The following HFM1 variants were observed in gnomAD, a reference collection of about 807,000 sequenced individuals.
The protein encoded by HFM1 is probable ATP-dependent DNA helicase HFM1.
Under a neutral mutation model 192.1 loss-of-function variants are expected in HFM1, and 169 were observed. That is an observed-to-expected ratio of 0.88 (90% CI 0.78 to 1.00). HFM1 has a LOEUF of 1.00. Among genes scored for constraint, HFM1 ranks in the 50% least tolerant of loss-of-function variants. HFM1 has a pLI of 0.00. For missense variants in HFM1, 1,661 were observed against 1,668.0 expected, an observed-to-expected ratio of 1.00 and a Z score of 0.07; for synonymous variants, 525 against 537.8, an observed-to-expected ratio of 0.98 and a Z score of 0.33.
chr1:91,328,701 C>A, intron 20 of HFM1: 1 of 1,602,430 alleles, frequency 6.2e-7, no homozygotes, highest in Non-Finnish European at 8.5e-7. Flanking sequence ...GGGGCTGAGG[C>A]AGAGAAGCAG....
At chr1:91,311,551 A>G (rs564578170) in intron 30 of HFM1, among the ~76,000 whole-genome samples, 158 of 151,874 alleles carry the variant, frequency 1.0e-3, no homozygotes, top group African/African-American at 3.7e-3. Flanking sequence ...GCTTGAACCC[A>G]GGAGGCAGAG....
chr1:91,331,629 C>T (rs992724610), intron 20 of HFM1, among the ~76,000 whole-genome samples: 3 of 152,222 alleles, frequency 2.0e-5, no homozygotes, highest in African/African-American at 7.2e-5. Flanking sequence ...GGTGCAGTGG[C>T]TCATGCCTGT....
At chr1:91,354,149 A>G (rs1657394972) in intron 13 of HFM1, among the ~76,000 whole-genome samples, 1 of 151,870 alleles carries the variant, frequency 6.6e-6, no homozygotes, top group Non-Finnish European at 1.5e-5. Flanking sequence ...TTATTCAAAA[A>G]GAACCAAACA....
intron 6 of HFM1, 88 bp from the exon 7 acceptor site, chr1:91,381,070 C>A: frequency 1.5e-6 from 1 of 666,950 alleles, no homozygotes; most frequent in South Asian, 1.8e-5. Flanking sequence ...AATATAGATT[C>A]TGACAATATT....
intron 1 of HFM1, among the ~76,000 whole-genome samples, chr1:91,403,302 A>G (rs987029877): frequency 2.0e-5 from 3 of 152,168 alleles, no homozygotes; most frequent in Admixed American, 2.0e-4. Flanking sequence ...TTATAAAAAT[A>G]GTGTCAAATA....
At chr1:91,286,639 C>T (rs1668002098) in intron 30 of HFM1, among the ~76,000 whole-genome samples, 1 of 152,092 alleles carries the variant, frequency 6.6e-6, no homozygotes, top group South Asian at 2.1e-4. Flanking sequence ...GATAAGATCA[C>T]ATTCACGACC....
chr1:91,313,571 ATC>A (rs1286395338), intron 29 of HFM1, 76 bp from the exon 30 acceptor site: 3 of 999,958 alleles, frequency 3.0e-6, no homozygotes, highest in East Asian at 5.4e-5. Context: ...ATTTCTTTTT[ATC>A]TCTCTTACAT....
Position 91,369,356 on chromosome 1 carries a change from A to T in HFM1, c.1685+6002T>A, listed in dbSNP as rs566352708. 8.9e-3 allele frequency among the ~76,000 whole-genome samples: 1,349 copies of T among 152,182 alleles called. 10 individuals are homozygous for T. The highest frequency in any genetic ancestry group is 0.027 in the Middle Eastern group (8 of 294). On this transcript the variant is annotated intron_variant, in intron 13 of 38. Transcript: ENST00000370425. ...TTGACCACATAGTTGGAAGTAAAGCACTCCTCAGCAAATGTAAAAGAACAG... is the reference window on the plus strand; with the variant it reads ...TTGACCACATAGTTGGAAGTAAAGCTCTCCTCAGCAAATGTAAAAGAACAG...
At chr1:91,278,047 G>A (rs1189466866) in intron 30 of HFM1, among the ~76,000 whole-genome samples, 2 of 147,860 alleles carry the variant, frequency 1.4e-5, no homozygotes, top group South Asian at 4.2e-4. Context: ...AGGTAAGAAT[G>A]AGGGTGGAGT....
chr1:91,394,037 G>A (rs1184564461), intron 4 of HFM1, 56 bp downstream of exon 4: 4 of 971,024 alleles, frequency 4.1e-6, no homozygotes, highest in Admixed American at 2.7e-5. Context: ...ACTTTTATAT[G>A]TACAAATATT....
At chr1:91,332,241 T>C (rs1396040418) in intron 20 of HFM1, among the ~76,000 whole-genome samples, 2 of 152,180 alleles carry the variant, frequency 1.3e-5, no homozygotes, top group Non-Finnish European at 2.9e-5. Context: ...AATATGGTAC[T>C]GGCATAAAAA....
intron 36 of HFM1, among the ~76,000 whole-genome samples, chr1:91,263,318 A>G (rs1665343609): frequency 1.3e-5 from 2 of 152,226 alleles, no homozygotes; most frequent in Admixed American, 1.3e-4. Context: ...TGTAACAGCC[A>G]TGTAAGGAGC....
intron 20 of HFM1, among the ~76,000 whole-genome samples, chr1:91,340,646 C>T (rs113031527): frequency 1.8e-4 from 28 of 152,222 alleles, no homozygotes; most frequent in African/African-American, 6.0e-4. Context: ...ACTTAAAAGG[C>T]GCAGAGTGAC....
chr1:91,337,003 T>C (rs1654675365), intron 20 of HFM1, among the ~76,000 whole-genome samples: 1 of 152,154 alleles, frequency 6.6e-6, no homozygotes, highest in Non-Finnish European at 1.5e-5. Context: ...CACCGCATGT[T>C]CTCATTTATA....
chr1:91,344,466 G>A (rs1016497091), intron 19 of HFM1, among the ~76,000 whole-genome samples: 6 of 152,064 alleles, frequency 3.9e-5, no homozygotes, highest in African/African-American at 1.2e-4. Flanking sequence ...CTCACTACTC[G>A]ATAAGTCAAT....
chr1:91,403,096 G>A (rs569589609), intron 1 of HFM1, among the ~76,000 whole-genome samples: 1 of 151,812 alleles, frequency 6.6e-6, no homozygotes, highest in Non-Finnish European at 1.5e-5. Flanking sequence ...CTCTCATTCC[G>A]CATTATTTTT....
Position 91,262,383 on chromosome 1 carries a change from GA to G in HFM1, c.4095del (p.Gln1366LysfsTer59). On this transcript the variant is annotated frameshift_variant, in exon 38 of 39. Coordinates refer to ENST00000370425, the MANE Select transcript of HFM1 (RefSeq NM_001017975.6). LOFTEE classifies it high-confidence loss of function. ...GACAGATTTTGTGGTTTTCTTTCTTGAAAATGGACCTACATTTGAGATAAAA... is the reference window on the plus strand; with the variant it reads ...GACAGATTTTGTGGTTTTCTTTCTTGAAATGGACCTACATTTGAGATAAAA... The part of the protein sequence containing the change: ...QQAGNAVIVH[F>X]QERKPQNLSP... The G allele has an allele frequency of 1.3e-6, 2 of 1,570,486 alleles. No homozygotes were observed. Among genetic ancestry groups the G allele is most frequent in the South Asian group, 1.2e-5 (1 of 82,152 alleles).
rs569405806 is a variant in HFM1, at chr1:91,394,052, T to C, written c.494+41A>G. 5.0e-4 allele frequency: 571 copies of C among 1,132,002 alleles called. 6 individuals carry two copies. In the Middle Eastern group the frequency reaches 9.4e-3, roughly 19 times the overall value. 70.1% of individuals were successfully genotyped at this position (1,132,002 alleles called of 1,614,324 possible). ...ACTTTTATATGTACAAATATTCAAC[T>C]TTATTCACAGAATATTATTTAGTTT... On this transcript the variant is annotated intron_variant, in intron 4 of 38. Transcript: ENST00000370425.
At chr1:91,343,289 CT>C in intron 20 of HFM1, 140 bp downstream of exon 20, 1 of 402,754 alleles carries the variant, frequency 2.5e-6, no homozygotes, top group South Asian at 4.6e-5. Context: ...TTTATCATGC[CT>C]ATGGCTAATA....
Sources: allele counts gnomAD v4.1 joint callset (sites outside exome capture counted in the v4.1 genomes callset), GRCh38; gene constraint gnomAD v4.1.1; transcripts MANE v1.5; gene names NCBI Gene and HGNC (gene_info 2026-07-23, HGNC 2026-07-21).